Variants in C5 observed in about 807,000 individuals in gnomAD.
The protein encoded by C5 is C3 and PZP-like alpha-2-macroglobulin domain-containing protein 4.
In C5, 140 loss-of-function variants were observed where a neutral mutation model predicts 218.8. That is an observed-to-expected ratio of 0.64 (90% confidence interval 0.56 to 0.74). The LOEUF is 0.74. Among genes scored for constraint, C5 ranks in the 30% least tolerant of loss-of-function variants. The pLI, the probability that C5 is intolerant of heterozygous loss-of-function variation, is 0.00. For missense variants in C5, 1,700 were observed against 1,969.6 expected (o/e 0.86, Z 2.59); for synonymous variants, 614 against 682.3 (o/e 0.90, Z 1.56).
chr9:120,982,850 C>T (rs367921531), intron 25 of C5, 36 bp from the exon 26 acceptor site: 53 of 1,184,620 alleles, frequency 4.5e-5, no homozygotes, highest in African/African-American at 6.1e-5. Context: ...ATATTTAGAA[C>T]GCTGAATCCC....
At chr9:120,982,083 C>A in intron 26 of C5, 144 bp from the exon 27 acceptor site, 1 of 691,490 alleles carries the variant, frequency 1.4e-6, no homozygotes, top group Non-Finnish European at 2.6e-6. Context: ...TTGATCTTGG[C>A]TCACTGCAAC....
chr9:121,054,040 A>C (rs2047686119), upstream of C5, among the ~76,000 whole-genome samples: 1 of 151,768 alleles, frequency 6.6e-6, no homozygotes. Flanking sequence ...GACTGAATGA[A>C]CTCCCACTTG....
At chr9:120,960,398 G>A in intron 37 of C5, 61 bp from the exon 38 acceptor site, 1 of 1,118,016 alleles carries the variant, frequency 8.9e-7, no homozygotes, top group South Asian at 1.2e-5. Flanking sequence ...ACTCTTTCCA[G>A]GAGTAAACAC....
Position 120,989,565 on chromosome 9 carries a change from T to A in C5, c.3154+3A>T, listed in dbSNP as rs925628402. ...TTTTATGTGAAATACTTTTTTTTTT[T>A]ACCTTCTTTTAATTTTTTCTTCAGT... On this transcript the variant is annotated splice_donor_region_variant and intron_variant, in intron 24 of 40. Coordinates refer to ENST00000223642, the MANE Select transcript of C5 (RefSeq NM_001735.3). The A allele has an allele frequency of 1.3e-5, 21 of 1,564,754 alleles. No homozygotes were observed. The highest frequency in any genetic ancestry group is 8.8e-7 in the Non-Finnish European group (1 of 1,142,158).
At chr9:121,074,619 G>A in the C5 span, 1 of 359,378 alleles carries the variant, frequency 2.8e-6, no homozygotes, top group Non-Finnish European at 5.5e-6. Flanking sequence ...GGCCGTCCTC[G>A]GACACAGGCC....
intron 5 of C5, among the ~76,000 whole-genome samples, chr9:121,032,831 C>A (rs1477742365): frequency 1.3e-5 from 2 of 152,108 alleles, no homozygotes; most frequent in African/African-American, 4.8e-5. Flanking sequence ...GAAACCCCAT[C>A]TCTACAAAAA....
intron 4 of C5, among the ~76,000 whole-genome samples, chr9:121,037,455 A>T (rs1209731126): frequency 1.4e-5 from 2 of 144,418 alleles, no homozygotes; most frequent in African/African-American, 2.5e-5. Context: ...CTGGGACTAC[A>T]GGCGCCTGCC....
intron 40 of C5, 108 bp from the exon 41 acceptor site, chr9:120,952,976 T>G (rs1160119384): frequency 1.7e-6 from 2 of 1,160,370 alleles, no homozygotes; most frequent in African/African-American, 3.1e-5. Context: ...CATGCTGGAG[T>G]GCAGTGGCGT....
rs1206134986 is a variant in C5 at position 121,043,725 on chromosome 9, T to G, written c.259-559A>C. Among the ~76,000 whole-genome samples the G allele has an allele frequency of 1.5e-4, 22 of 146,464 alleles. 1 individual carries two copies. The highest frequency in any genetic ancestry group is 4.2e-4 in the African/African-American group (17 of 40,364). On this transcript the variant is annotated intron_variant, in intron 2 of 40. Transcript: ENST00000223642. ...CTTTTTTTTTTTTTTTTTTTTGTAT[T>G]TTTAATAGAGACGGGTTTCACCATG...
intron 17 of C5, 70 bp downstream of exon 17, chr9:121,013,803 T>C: frequency 3.0e-6 from 4 of 1,334,872 alleles, no homozygotes; most frequent in Non-Finnish European, 4.3e-6. Flanking sequence ...AAACTGCCTT[T>C]CTTAGCAGCA....
In C5 at chr9:120,997,760, C is replaced by A. The variant is rs539098188; in HGVS notation, c.2577G>T (p.Met859Ile). 1 of 1,613,242 alleles carries A rather than the reference C, an allele frequency of 6.2e-7. No individual in the cohort carries two copies. Among genetic ancestry groups the A allele is most frequent in the African/African-American group, 1.3e-5 (1 of 74,876 alleles). ...AAGTGCAGATTCCCTCCACAGCAGA[C>A]ATTTTAACACAGAACTGAAATACAA... is the stretch of plus-strand genomic sequence containing the variant. ...RTSGMQFCVK[M>I]SAVEGICTSE... The change falls in exon 21 of 41, where the codon ATG becomes ATT. Residue 859 changes from methionine (M) to isoleucine (I), a missense_variant. Physicochemically the swap from Met to Ile is conservative, Grantham distance 10. Coordinates refer to ENST00000223642, the MANE Select transcript of C5 (RefSeq NM_001735.3).
intron 7 of C5, among the ~76,000 whole-genome samples, chr9:121,029,760 G>C (rs2047458040): frequency 6.6e-6 from 1 of 152,196 alleles, no homozygotes; most frequent in Non-Finnish European, 1.5e-5. Context: ...CCAGCACCAA[G>C]CCTAGGCTCA....
intron 20 of C5, among the ~76,000 whole-genome samples, chr9:121,002,317 T>TGTGTGTGTGTGTATATATAC (rs2047177938): frequency 2.1e-5 from 1 of 47,788 alleles, no homozygotes; most frequent in East Asian, 1.0e-3. Flanking sequence ...TATGTGTGTG[T>TGTGTGTGTGTGTATATATAC]ATATATATAT....
chr9:121,047,290 G>GT (rs2047636007), intron 1 of C5, among the ~76,000 whole-genome samples: 1 of 152,098 alleles, frequency 6.6e-6, no homozygotes, highest in Non-Finnish European at 1.5e-5. Context: ...GTACAGTTGA[G>GT]GTCAAGTTTA....
At chr9:121,000,310 A>G (rs1342168785) in intron 20 of C5, among the ~76,000 whole-genome samples, 2 of 152,236 alleles carry the variant, frequency 1.3e-5, no homozygotes, top group Non-Finnish European at 2.9e-5. Flanking sequence ...AACTAATTCC[A>G]AAGTTTATCT....
intron 20 of C5, among the ~76,000 whole-genome samples, chr9:121,002,846 G>A (rs1009767914): frequency 3.9e-5 from 6 of 152,102 alleles, no homozygotes; most frequent in Non-Finnish European, 8.8e-5. Context: ...AACTCTTCAC[G>A]TTGTATTTAG....
rs756178305 is a variant in C5 at position 121,013,989 on chromosome 9, C to T, written c.2141G>A (p.Arg714Gln). The T allele has an allele frequency of 1.2e-6, 2 of 1,614,144 alleles. No individual in the cohort carries two copies. Among genetic ancestry groups the T allele is most frequent in the Non-Finnish European group, 1.7e-6 (2 of 1,180,002 alleles). Residue 714 changes from arginine (R) to glutamine (Q), a missense_variant, in exon 17 of 41, where the codon CGA (arginine) becomes CAA (glutamine). Arg to Gln is a conservative substitution (Grantham distance 43). Transcript: ENST00000223642. ...CVNNDETCEQ[R>Q]AARISLGPRC... ...TGGCCCTAAACTAATCCGTGCAGCT[C>T]GCTGCTCACAGGTTTCATCATTATT...
chr9:121,074,517 G>A, the C5 span, among the ~76,000 whole-genome samples: 1 of 152,222 alleles, frequency 6.6e-6, no homozygotes. Flanking sequence ...AGATACGACT[G>A]TCAGAGAGAA....
At chr9:120,998,487 G>T (rs1021873027) in intron 20 of C5, among the ~76,000 whole-genome samples, 4 of 152,150 alleles carry the variant, frequency 2.6e-5, no homozygotes, top group Non-Finnish European at 4.4e-5. Context: ...CTCAGCCTCT[G>T]GTATTCAGTA....
Sources: gnomAD v4.1 joint callset for allele counts (sites outside exome capture counted in the v4.1 genomes callset) on GRCh38, gnomAD v4.1.1 for gene constraint, MANE v1.5 for transcripts, NCBI Gene and HGNC (gene_info 2026-07-23, HGNC 2026-07-21) for gene names.